Variants in PALLD observed in about 807,000 individuals in gnomAD.
The protein encoded by PALLD is palladin, cytoskeletal associated protein, also known as palladin.
In PALLD, 61 loss-of-function variants were observed where a neutral mutation model predicts 123.5. That is an observed-to-expected ratio of 0.49 (90% CI 0.40 to 0.61). The LOEUF (loss-of-function observed/expected upper bound fraction) is 0.61. Ranked by LOEUF, PALLD falls within the 20% of genes least tolerant of loss-of-function variation. The probability of loss-of-function intolerance (pLI) is 0.00; values close to 1 mark genes in which losing one functional copy is unlikely to be tolerated. For synonymous variants in PALLD, 465 were observed against 496.4 expected, an observed-to-expected ratio of 0.94 and a Z score of 0.84; for missense variants, 1,273 against 1,377.0, an observed-to-expected ratio of 0.92 and a Z score of 1.20.
At chr4:168,530,442 G>C (rs990722196) in intron 2 of PALLD, 2 of 152,186 alleles carry the variant, frequency 1.3e-5, no homozygotes, top group Non-Finnish European at 2.9e-5. Context: ...ACTGCAGAGA[G>C]AGATAGACAC....
chr4:168,688,788 A>T (rs1434710018), intron 6 of PALLD, among the ~76,000 whole-genome samples: 1 of 152,214 alleles, frequency 6.6e-6, no homozygotes, highest in Admixed American at 6.5e-5. Flanking sequence ...TGAAAAAAAA[A>T]AATGCATAAT....
At chr4:168,509,231 AT>A (rs1323925129) in intron 1 of PALLD, among the ~76,000 whole-genome samples, 5 of 152,260 alleles carry the variant, frequency 3.3e-5, no homozygotes, top group Admixed American at 6.5e-5. Flanking sequence ...GATTCCAAAC[AT>A]TGTATTTTAT....
chr4:168,824,936 C>G (rs1228246887), intron 10 of PALLD, among the ~76,000 whole-genome samples: 1 of 151,712 alleles, frequency 6.6e-6, no homozygotes, highest in Non-Finnish European at 1.5e-5. Context: ...ATTCTCCCAC[C>G]TCAGCCTCCC....
At chr4:168,627,902 G>C (rs368992249) in intron 2 of PALLD, among the ~76,000 whole-genome samples, 1 of 152,150 alleles carries the variant, frequency 6.6e-6, no homozygotes, top group Non-Finnish European at 1.5e-5. Flanking sequence ...AGAGAAATGC[G>C]AGTCAAAACT....
At chr4:168,744,451 A>G (rs140377728) in intron 10 of PALLD, among the ~76,000 whole-genome samples, 1 of 152,020 alleles carries the variant, frequency 6.6e-6, no homozygotes, top group East Asian at 1.9e-4. Flanking sequence ...TCTAGGCTAT[A>G]GAGCAGAACA....
intron 2 of PALLD, among the ~76,000 whole-genome samples, chr4:168,594,215 C>T (rs57766961): frequency 0.033 from 5,042 of 151,924 alleles, 275 homozygotes; most frequent in African/African-American, 0.11. Flanking sequence ...AGATGGTTAA[C>T]GATAGTGTAA....
At chr4:168,896,738 T>C in intron 13 of PALLD, 139 bp downstream of exon 13, 1 of 604,942 alleles carries the variant, frequency 1.7e-6, no homozygotes, top group Non-Finnish European at 2.9e-6. Context: ...TTTCATTTAA[T>C]ATCAGATACA....
chr4:168,566,484 G>A (rs1768396977), intron 2 of PALLD, among the ~76,000 whole-genome samples: 1 of 151,936 alleles, frequency 6.6e-6, no homozygotes, highest in African/African-American at 2.4e-5. Flanking sequence ...TTTTTGTCGA[G>A]ACGGGGTCTC....
intron 2 of PALLD, among the ~76,000 whole-genome samples, chr4:168,564,842 A>G (rs1768207667): frequency 6.6e-6 from 1 of 152,152 alleles, no homozygotes; most frequent in African/African-American, 2.4e-5. Flanking sequence ...ATCCACCCTC[A>G]TATTTGCTCC....
At chr4:168,836,994 C>A (rs1024025413) in intron 10 of PALLD, among the ~76,000 whole-genome samples, 1 of 152,176 alleles carries the variant, frequency 6.6e-6, no homozygotes, top group African/African-American at 2.4e-5. Flanking sequence ...ATTCCAGTTA[C>A]AATGGCAAAA....
Position 168,668,282 on chromosome 4 carries a change from C to A in PALLD, c.1001C>A (p.Ala334Asp). The A allele has an allele frequency of 1.2e-6, 2 of 1,614,070 alleles. No homozygotes were observed. Residue 334 changes from alanine to aspartate, a missense_variant, in exon 3 of 22, where the codon GCC becomes GAC. By Grantham distance (126) the Ala-to-Asp change is moderately radical. Transcript: ENST00000505667. Reference sequence around the variant, plus strand: ...CTCCATACCCTGATCATAGCAGAGGCCTTTGAGGACGACACAGGTCGCTAC... The same window carrying A: ...CTCCATACCCTGATCATAGCAGAGGACTTTGAGGACGACACAGGTCGCTAC... Reference protein sequence around the residue: ...GDLHTLIIAEAFEDDTGRYTC... With the variant: ...GDLHTLIIAEDFEDDTGRYTC...
At chr4:168,552,960 G>A (rs978631142) in intron 2 of PALLD, among the ~76,000 whole-genome samples, 1 of 152,046 alleles carries the variant, frequency 6.6e-6, no homozygotes, top group Non-Finnish European at 1.5e-5. Context: ...ACAGGCGGGT[G>A]CCACCACGCC....
At chr4:168,832,056 G>T (rs1304959343) in intron 10 of PALLD, 4 of 985,312 alleles carry the variant, frequency 4.1e-6, no homozygotes, top group Admixed American at 6.1e-5. Flanking sequence ...GTCACCCGGC[G>T]GGCGAGGTAT....
rs188789972 is a variant in PALLD at position 168,927,543 on chromosome 4, T to C, written c.*1363T>C. 45 of 230,996 alleles carry C rather than the reference T, an allele frequency of 1.9e-4. No individual in the cohort carries two copies. The highest frequency in any genetic ancestry group is 8.8e-4 in the African/African-American group (40 of 45,336). The allele number at this position is 230,996 out of a possible 1,614,324, so 14.3% of individuals were successfully genotyped here. A position where few individuals can be genotyped will look rare whatever the true frequency, so the allele number is the denominator to read the frequency against. On this transcript the variant is annotated 3_prime_UTR_variant, in exon 22 of 22. Coordinates refer to ENST00000505667, the MANE Select transcript of PALLD (RefSeq NM_001166108.2). ...AATTGCCTGTAGCATCTAGTCTACT[T>C]GAAGGAAGTGGAGACATAAGGAGAG... is the stretch of plus-strand genomic sequence containing the variant.
In PALLD at chr4:168,801,595, A is replaced by G. The variant is rs1182168820; in HGVS notation, c.1965-89327A>G. Among the ~76,000 whole-genome samples, 4 of 152,324 alleles carry G rather than the reference A, an allele frequency of 2.6e-5. No individual in the cohort carries two copies. The East Asian group carries it at 7.7e-4, about 29-fold the overall frequency. ...GCCCAGCCTGTAAATATTTTTTTAA[A>G]AGACGTGCAGATAGAAATTATCTTA... On this transcript the variant is annotated intron_variant, in intron 10 of 21. Transcript: ENST00000505667.
intron 2 of PALLD, among the ~76,000 whole-genome samples, chr4:168,649,171 C>A (rs769693861): frequency 1.3e-5 from 2 of 152,304 alleles, no homozygotes; most frequent in South Asian, 2.1e-4. Flanking sequence ...ATTCTGCATG[C>A]GCTCATTTAT....
chr4:168,681,411 A>G lies in PALLD; in HGVS notation c.1154+13A>G, dbSNP rs1781532988. ...GAGCTATGCCACAGTAAGTGCCTAC[A>G]ATTCCATCGATTATGTGGAAACAAA... is the stretch of plus-strand genomic sequence containing the variant. On this transcript the variant is annotated intron_variant, in intron 4 of 21. Transcript: ENST00000505667. 2.0e-6 allele frequency: 3 copies of G among 1,520,512 alleles called. No homozygotes were observed. Among genetic ancestry groups the G allele is most frequent in the Non-Finnish European group, 1.8e-6 (2 of 1,094,982 alleles). The allele number at this position is 1,520,512 out of a possible 1,614,324, so 94.2% of individuals were successfully genotyped here.
At chr4:168,667,688 G>T (rs578012312) in intron 2 of PALLD, among the ~76,000 whole-genome samples, 1 of 152,158 alleles carries the variant, frequency 6.6e-6, no homozygotes, top group Non-Finnish European at 1.5e-5. Flanking sequence ...AATGTGGAAG[G>T]CATTAAATCT....
At chr4:168,832,232 A>G in intron 10 of PALLD, 3 of 956,306 alleles carry the variant, frequency 3.1e-6, no homozygotes, top group South Asian at 4.8e-5. Context: ...AAGGGAGTGC[A>G]GCGTGCAGGG....
Sources: allele counts gnomAD v4.1 joint callset (sites outside exome capture counted in the v4.1 genomes callset), GRCh38; gene constraint gnomAD v4.1.1; transcripts MANE v1.5; gene names NCBI Gene and HGNC (gene_info 2026-07-23, HGNC 2026-07-21).